CCDC33: variants seen among roughly 807,000 people sequenced by gnomAD.
The protein encoded by CCDC33 is coiled-coil domain-containing protein 33.
Under a neutral mutation model 91.9 loss-of-function variants are expected in CCDC33, and 94 were observed. The ratio of observed to expected loss-of-function variants is 1.02; its 90% CI spans 0.87 to 1.21. The LOEUF (loss-of-function observed/expected upper bound fraction) is 1.21. Ranked by LOEUF, CCDC33 falls within the 50% of genes most tolerant of loss-of-function variation. CCDC33 has a pLI of 0.00. For missense variants in CCDC33, 940 were observed against 935.5 expected, an observed-to-expected ratio of 1.00 and a Z score of -0.06; for synonymous variants, 396 against 374.5, an observed-to-expected ratio of 1.06 and a Z score of -0.66.
chr15:74,310,207 G>A (rs560340113), intron 11 of CCDC33, among the ~76,000 whole-genome samples: 1 of 152,070 alleles, frequency 6.6e-6, no homozygotes, highest in South Asian at 2.1e-4. Flanking sequence ...AGGCAGGACT[G>A]GAGATGTGCT....
chr15:74,215,568 AC>A (rs1157905488), upstream of CCDC33, among the ~76,000 whole-genome samples: 177 of 152,236 alleles, frequency 1.2e-3, 1 homozygote, highest in Admixed American at 2.2e-3. Flanking sequence ...GTAACTGTAC[AC>A]ACACACCAAA....
At chr15:74,203,979 T>C (rs1204180162) in intron 1 of CCDC33, among the ~76,000 whole-genome samples, 1 of 152,170 alleles carries the variant, frequency 6.6e-6, no homozygotes, top group Non-Finnish European at 1.5e-5. Context: ...AGACAGGGCT[T>C]GAAATCCTGG....
intron 2 of CCDC33, among the ~76,000 whole-genome samples, chr15:74,219,668 G>T (rs1283441203): frequency 2.6e-5 from 4 of 152,202 alleles, no homozygotes; most frequent in African/African-American, 9.7e-5. Context: ...CTTCTTGGAA[G>T]AGGGTTTATT....
intron 11 of CCDC33, among the ~76,000 whole-genome samples, chr15:74,329,783 G>A (rs2060387632): frequency 6.6e-6 from 1 of 152,214 alleles, no homozygotes; most frequent in African/African-American, 2.4e-5. Flanking sequence ...GTGACGTGAG[G>A]AATGAGAGGA....
At chr15:74,301,249 T>A (rs2059789430) in intron 11 of CCDC33, 1 of 152,056 alleles carries the variant, frequency 6.6e-6, no homozygotes, top group South Asian at 2.1e-4. Context: ...GGGGAGCAGG[T>A]AAGGCGAGGG....
rs2074504199 is a variant in CCDC33 at position 74,218,460 on chromosome 15, C to A, written c.311-37C>A. On this transcript the variant is annotated intron_variant, in intron 1 of 2. Transcript: ENST00000635913. This position sits in a 1 kb window ranked among gnomAD's most constrained non-coding sequence, Gnocchi z 4.8. ...AGTCACCTGGCAGATGCAGAGAAACCTGAGACCATCTCTGAGCCCTGTGTT... is the reference window on the plus strand; with the variant it reads ...AGTCACCTGGCAGATGCAGAGAAACATGAGACCATCTCTGAGCCCTGTGTT... The A allele has an allele frequency of 8.0e-7, 1 of 1,245,750 alleles. No homozygotes were observed. Among genetic ancestry groups the A allele is most frequent in the African/African-American group, 1.5e-5 (1 of 65,118 alleles). The allele number at this position is 1,245,750 out of a possible 1,614,324, so 77.2% of individuals were successfully genotyped here. A position where few individuals can be genotyped will look rare whatever the true frequency, so the allele number is the denominator to read the frequency against.
At chr15:74,320,710 C>T (rs1252246736) in intron 11 of CCDC33, among the ~76,000 whole-genome samples, 1 of 152,168 alleles carries the variant, frequency 6.6e-6, no homozygotes, top group African/African-American at 2.4e-5. Flanking sequence ...TCGCACAGAC[C>T]ACCCTGCCCT....
Position 74,280,009 on chromosome 15 carries a change from C to T in CCDC33, c.806C>T (p.Ser269Phe), listed in dbSNP as rs1319737788. The change falls in exon 8 of 19, where the codon TCC (serine) becomes TTC (phenylalanine). Residue 269 changes from serine (S) to phenylalanine (F), a missense_variant. Transcript: ENST00000398814. Reference protein sequence around the residue: ...GPPEQPLWNQSFLFQGRDGAT... With the variant: ...GPPEQPLWNQFFLFQGRDGAT... ...CCAGAGCAGCCCCTGTGGAATCAGT[C>T]CTTCCTCTTCCAAGGCCGAGATGGA... 1 of 1,614,190 alleles carries T rather than the reference C, an allele frequency of 6.2e-7. No homozygotes were observed.
At chr15:74,334,005 C>T (rs2060498484) in intron 17 of CCDC33, 38 bp downstream of exon 17, 1 of 1,550,466 alleles carries the variant, frequency 6.4e-7, no homozygotes. Flanking sequence ...CTGGATCAGG[C>T]TCACCACACA....
At chr15:74,264,729 G>A (rs2076123756) in intron 3 of CCDC33, among the ~76,000 whole-genome samples, 2 of 152,190 alleles carry the variant, frequency 1.3e-5, no homozygotes, top group African/African-American at 4.8e-5. Context: ...AAGGAAAATA[G>A]TGACAACCAC....
At chr15:74,211,153 GCACACA>G (rs71137380) in intron 2 of CCDC33, among the ~76,000 whole-genome samples, 2,484 of 148,398 alleles carry the variant, frequency 0.017, 54 homozygotes, top group African/African-American at 0.054. Context: ...GCACGCACAC[GCACACA>G]CACACACACA....
rs762617304 is a variant in CCDC33 at position 74,280,061 on chromosome 15, C to G, written c.858C>G (p.Ala286=). The G allele has an allele frequency of 4.3e-6, 7 of 1,613,990 alleles. No homozygotes were observed. Among genetic ancestry groups the G allele is most frequent in the Non-Finnish European group, 4.2e-6 (5 of 1,179,992 alleles). ...DGATSFSEDT[A]LVLEYYSSTS... ...CTACCAGCTTCTCAGAAGACACAGC[C>G]CTGGTGCTGGAGTACTACTCCTCAA... Residue 286 remains alanine (A), a synonymous_variant, in exon 8 of 19, where the codon GCC becomes GCG. Coordinates refer to ENST00000398814, the MANE Select transcript of CCDC33 (RefSeq NM_025055.5).
At chr15:74,228,031 G>A (rs78683900) in intron 2 of CCDC33, among the ~76,000 whole-genome samples, 7,160 of 152,222 alleles carry the variant, frequency 0.047, 599 homozygotes, top group African/African-American at 0.16. Flanking sequence ...CCTCTGCAGA[G>A]AGGTGTTACT....
Position 74,266,736 on chromosome 15 carries a change from C to T in CCDC33, c.378C>T (p.Ile126=). 6.2e-7 allele frequency: 1 copy of T among 1,614,186 alleles called. No individual in the cohort carries two copies. Among genetic ancestry groups the T allele is most frequent in the Non-Finnish European group, 8.5e-7 (1 of 1,180,010 alleles). The change falls in exon 4 of 19, where the codon ATC becomes ATT. Residue 126 remains isoleucine, a synonymous_variant. Transcript: ENST00000398814. ...AACAGGAGTTGTTGTCCTACAAAAT[C>T]CCCATCAAGTACCTGCGTGTCTTCC... ...RKKQELLSYK[I]PIKYLRVFHP... is the part of the protein sequence containing the mutation.
intron 2 of CCDC33, among the ~76,000 whole-genome samples, chr15:74,252,157 G>A (rs553268591): frequency 8.5e-5 from 13 of 152,296 alleles, no homozygotes; most frequent in Admixed American, 2.0e-4. Context: ...ATTTCATGCC[G>A]TGGTTACCCC....
At chr15:74,254,742 T>C (rs2075808644) in intron 2 of CCDC33, among the ~76,000 whole-genome samples, 1 of 138,498 alleles carries the variant, frequency 7.2e-6, no homozygotes. Flanking sequence ...TCTACCCTCC[T>C]TCTTTTTTTT....
chr15:74,244,107 T>G lies in CCDC33; in HGVS notation c.144T>G (p.Pro48=), dbSNP rs1435893303. Residue 48 remains proline, a synonymous_variant, in exon 2 of 19, where the codon CCT becomes CCG. Coordinates refer to ENST00000398814, the MANE Select transcript of CCDC33 (RefSeq NM_025055.5). This position sits in a 1 kb window ranked among gnomAD's most constrained non-coding sequence, Gnocchi z 4.2. ...CCCTCCATGGGGCTACCAACCTGCC[T>G]GCCTGCAAGGATGGCTCCGAGCCGT... The part of the protein sequence containing the change: ...MVTLHGATNL[P]ACKDGSEPWP... 2 of 1,613,724 alleles carry G rather than the reference T, an allele frequency of 1.2e-6. No homozygotes were observed. Among genetic ancestry groups the G allele is most frequent in the Non-Finnish European group, 1.7e-6 (2 of 1,179,832 alleles).
intron 2 of CCDC33, among the ~76,000 whole-genome samples, chr15:74,252,497 G>A (rs898324493): frequency 1.3e-5 from 2 of 152,244 alleles, no homozygotes; most frequent in African/African-American, 4.8e-5. Flanking sequence ...CTCACTGCGA[G>A]CTCGGCTATT....
rs114879310 is a variant in CCDC33, at chr15:74,315,603, G to C, written c.1291-14586G>C. On this transcript the variant is annotated intron_variant, in intron 11 of 18. Coordinates refer to ENST00000398814, the MANE Select transcript of CCDC33 (RefSeq NM_025055.5). ...AGCTCTTGTTACCTGCCTGGTGCAG[G>C]CTCTAGAAATTCAGAAAGGAAGCCA... Among the ~76,000 whole-genome samples the C allele has an allele frequency of 6.0e-3, 917 of 152,352 alleles. 7 individuals are homozygous for C. Among genetic ancestry groups the C allele is most frequent in the African/African-American group, 0.021 (873 of 41,588 alleles).
Sources: allele counts gnomAD v4.1 joint callset (sites outside exome capture counted in the v4.1 genomes callset), GRCh38; gene constraint gnomAD v4.1.1; non-coding constraint Gnocchi (gnomAD v3.1); transcripts MANE v1.5; gene names NCBI Gene and HGNC (gene_info 2026-07-23, HGNC 2026-07-21).